The following BCO1 variants were observed in gnomAD, a reference collection of about 807,000 sequenced individuals.
BCO1 encodes beta,beta-carotene 15,15'-dioxygenase.
Under a neutral mutation model 56.3 loss-of-function variants are expected in BCO1, and 54 were observed. The observed-to-expected ratio is 0.96, with a 90% confidence interval of 0.77 to 1.20. BCO1 has a LOEUF of 1.20. BCO1 is among the 50% of genes most tolerant of loss of function. The pLI is 0.00. For missense variants in BCO1, 801 were observed against 690.9 expected (o/e 1.16, Z -1.79); for synonymous variants, 318 against 266.1 (o/e 1.20, Z -1.90).
At chr16:81,286,510 CATTT>C (rs1250378658) in intron 9 of BCO1, among the ~76,000 whole-genome samples, 6 of 152,068 alleles carry the variant, frequency 3.9e-5, no homozygotes, top group Non-Finnish European at 7.4e-5. Context: ...TGAATATATT[CATTT>C]ATTTAACTCA....
chr16:81,268,954 T>C (rs868648669), intron 6 of BCO1, among the ~76,000 whole-genome samples: 3 of 151,762 alleles, frequency 2.0e-5, no homozygotes, highest in African/African-American at 4.8e-5. Flanking sequence ...TTTGTAGAGA[T>C]TGGGGTCTTG....
chr16:81,267,949 GT>G lies in BCO1; in HGVS notation c.662del (p.Val221GlyfsTer48), dbSNP rs1165349702. The stretch of plus-strand genomic sequence containing the variant: ...GAAGAGCCCCTGGAAGCACACAGAG[GT>G]GTTCTGCTCCATCCCATCCCGCTCC... The part of the protein sequence containing the change: ...QGKSPWKHTE[V>X]FCSIPSRSLL... On this transcript the variant is annotated frameshift_variant, in exon 6 of 11. Transcript: ENST00000258168. LOFTEE classifies it high-confidence loss of function. 2 of 1,613,826 alleles carry G rather than the reference GT, an allele frequency of 1.2e-6. No individual in the cohort carries two copies. Among genetic ancestry groups the G allele is most frequent in the Non-Finnish European group, 1.7e-6 (2 of 1,180,012 alleles).
chr16:81,264,690 T>C lies in BCO1; in HGVS notation c.522T>C (p.His174=), dbSNP rs1301603139. ...TAAATCTGGCAACGTCACATCCCCA[T>C]TATGATGAGGCTGGAAATGTTCTAA... ...VAVNLATSHP[H]YDEAGNVLNM... The change falls in exon 5 of 11, where the codon CAT becomes CAC. Residue 174 remains histidine (H), a synonymous_variant. Coordinates refer to ENST00000258168, the MANE Select transcript of BCO1 (RefSeq NM_017429.3). The C allele has an allele frequency of 6.2e-7, 1 of 1,614,044 alleles. No homozygotes were observed. Among genetic ancestry groups the C allele is most frequent in the African/African-American group, 1.3e-5 (1 of 74,938 alleles).
intron 6 of BCO1, among the ~76,000 whole-genome samples, chr16:81,269,815 C>G (rs1907071697): frequency 6.6e-6 from 1 of 152,204 alleles, no homozygotes; most frequent in African/African-American, 2.4e-5. Flanking sequence ...TTCTCCCCAA[C>G]TTGGTCATTG....
rs745955105 is a variant in BCO1 at position 81,270,248 on chromosome 16, C to T, written c.933C>T (p.Asn311=). 41 of 1,614,050 alleles carry T rather than the reference C, an allele frequency of 2.5e-5. No individual in the cohort carries two copies. Among genetic ancestry groups the T allele is most frequent in the Middle Eastern group, 1.6e-4 (1 of 6,084 alleles). ...TDAMVVFHHV[N]AYEEDGCIVF... is the part of the protein sequence containing the mutation. Reference sequence around the variant, plus strand: ...CCATGGTGGTCTTCCATCACGTCAACGCCTACGAAGAGGACGGCTGCATCG... The same window carrying T: ...CCATGGTGGTCTTCCATCACGTCAATGCCTACGAAGAGGACGGCTGCATCG... The change falls in exon 7 of 11, where the codon AAC becomes AAT. Residue 311 remains asparagine (N), a synonymous_variant. Coordinates refer to ENST00000258168, the MANE Select transcript of BCO1 (RefSeq NM_017429.3).
rs928179301 is a variant in BCO1, at chr16:81,238,948, G to C, written c.40G>C (p.Glu14Gln). Residue 14 changes from glutamate (E) to glutamine (Q), a missense_variant, in exon 1 of 11, where the codon GAG becomes CAG. Coordinates refer to ENST00000258168, the MANE Select transcript of BCO1 (RefSeq NM_017429.3). ...IFGRNRKEQL[E>Q]PVRAKVTGKI... ...TGGCAGGAATAGGAAAGAACAGCTG[G>C]AGCCTGTGAGGGCCAAAGTGACAGG... 1 of 1,614,040 alleles carries C rather than the reference G, an allele frequency of 6.2e-7. No homozygotes were observed.
At position 81,280,865 on chromosome 16, in the gene BCO1, A is replaced by G; in HGVS notation, c.1110A>G (p.Glu370=). ...AAACTGAATTTTTTCAGAATGCAGA[A>G]GTGGGCACAAATTTAATCAAAGTGG... ...AVPLHVDKNA[E]VGTNLIKVAS... The change falls in exon 8 of 11, where the codon GAA becomes GAG. Residue 370 remains glutamate (E), a synonymous_variant. Transcript: ENST00000258168. 1.9e-6 allele frequency: 3 copies of G among 1,613,326 alleles called. No individual in the cohort carries two copies. Among genetic ancestry groups the G allele is most frequent in the Non-Finnish European group, 2.5e-6 (3 of 1,179,210 alleles).
intron 7 of BCO1, among the ~76,000 whole-genome samples, chr16:81,279,387 G>A (rs1054503732): frequency 3.9e-5 from 6 of 152,142 alleles, no homozygotes; most frequent in South Asian, 2.1e-4. Flanking sequence ...ATATCTTCCA[G>A]AGCCTAACCC....
At chr16:81,253,358 C>G (rs1252173268) in intron 2 of BCO1, among the ~76,000 whole-genome samples, 1 of 152,178 alleles carries the variant, frequency 6.6e-6, no homozygotes, top group Non-Finnish European at 1.5e-5. Context: ...TGTCACGTGA[C>G]TCTGCAAGGA....
Position 81,290,401 on chromosome 16 carries a change from C to T in BCO1, c.1468C>T (p.Leu490Phe), listed in dbSNP as rs1398682170. The T allele has an allele frequency of 3.1e-6, 5 of 1,614,206 alleles. No homozygotes were observed. Among genetic ancestry groups the T allele is most frequent in the Middle Eastern group, 1.6e-4 (1 of 6,062 alleles). ...STDPQKLPFLLILDAKSFTEL... is the reference protein window; with the variant it reads ...STDPQKLPFLFILDAKSFTEL... ...TGATCCCCAAAAGCTGCCTTTTCTG[C>T]TCATTCTGGATGCCAAAAGCTTTAC... is the stretch of plus-strand genomic sequence containing the variant. Residue 490 changes from leucine to phenylalanine, a missense_variant, in exon 11 of 11, where the codon CTC becomes TTC. By Grantham distance (22) the Leu-to-Phe change is conservative. Transcript: ENST00000258168.
Position 81,262,266 on chromosome 16 carries a change from C to T in BCO1, c.454C>T (p.Leu152=). The stretch of plus-strand genomic sequence containing the variant: ...CATCAGGAAAATCAACCCACAGACT[C>T]TGGAAACCCTGGAGAAGGTATCAAC... The part of the protein sequence containing the change: ...NYIRKINPQT[L]ETLEKVDYRK... Residue 152 remains leucine, a synonymous_variant, in exon 4 of 11, where the codon CTG becomes TTG. Transcript: ENST00000258168. The T allele has an allele frequency of 6.2e-7, 1 of 1,613,674 alleles. No individual in the cohort carries two copies. The highest frequency in any genetic ancestry group is 1.7e-4 in the Middle Eastern group (1 of 6,060).
rs1908133304 is a variant in BCO1, at chr16:81,285,589, A to G, written c.1257A>G (p.Arg419=). 3.7e-6 allele frequency: 6 copies of G among 1,613,726 alleles called. No individual in the cohort carries two copies. Among genetic ancestry groups the G allele is most frequent in the East Asian group, 2.2e-5 (1 of 44,892 alleles). ...VNYAHNGKQY[R]YVFATGVQWS... is the part of the protein sequence containing the mutation. ...ATGCTCACAATGGAAAGCAATACCG[A>G]TATGTCTTTGCTACAGGAGTTCAGT... The change falls in exon 9 of 11, where the codon CGA becomes CGG. Residue 419 remains arginine, a synonymous_variant. Transcript: ENST00000258168.
At chr16:81,272,237 C>G (rs1907272879) in intron 7 of BCO1, among the ~76,000 whole-genome samples, 1 of 151,844 alleles carries the variant, frequency 6.6e-6, no homozygotes, top group Non-Finnish European at 1.5e-5. Flanking sequence ...CCTCAGCCTC[C>G]CAAGTAGCTG....
At chr16:81,276,506 G>A (rs888702681) in intron 7 of BCO1, among the ~76,000 whole-genome samples, 2 of 152,204 alleles carry the variant, frequency 1.3e-5, no homozygotes, top group African/African-American at 4.8e-5. Context: ...GGTTGTGCTG[G>A]CTAGGGCATC....
rs772983780 is a variant in BCO1, at chr16:81,282,673, C to CT, written c.1207+1723dup. On this transcript the variant is annotated intron_variant, in intron 8 of 10. Coordinates refer to ENST00000258168, the MANE Select transcript of BCO1 (RefSeq NM_017429.3). ...CCATCCCTGCTCACCCACCACATCC[C>CT]TTTTTTTTTTTTCCTGAGAAGACCA... 7.6e-3 allele frequency among the ~76,000 whole-genome samples: 1,117 copies of CT among 146,076 alleles called. 4 individuals carry two copies. Among genetic ancestry groups the CT allele is most frequent in the African/African-American group, 0.015 (584 of 40,044 alleles).
At chr16:81,249,696 C>T (rs1480864203) in intron 2 of BCO1, among the ~76,000 whole-genome samples, 2 of 152,178 alleles carry the variant, frequency 1.3e-5, no homozygotes, top group Admixed American at 6.5e-5. Flanking sequence ...CCACCGCGCC[C>T]GGCCGAGTCA....
chr16:81,242,434 C>A (rs1019150618), intron 1 of BCO1, among the ~76,000 whole-genome samples: 7 of 152,006 alleles, frequency 4.6e-5, no homozygotes, highest in Non-Finnish European at 8.8e-5. Context: ...CTTCTGACCT[C>A]GAGTGATCCA....
chr16:81,256,172 A>G (rs1906124753), intron 2 of BCO1, among the ~76,000 whole-genome samples: 1 of 150,684 alleles, frequency 6.6e-6, no homozygotes, highest in South Asian at 2.1e-4. Context: ...ACTTGCTTCC[A>G]GTGTTGTGAG....
At chr16:81,275,853 G>A (rs1207861711) in intron 7 of BCO1, among the ~76,000 whole-genome samples, 2 of 152,228 alleles carry the variant, frequency 1.3e-5, no homozygotes, top group Non-Finnish European at 2.9e-5. Context: ...AGGGCCTCTG[G>A]GCACCGTGGG....
Sources: allele counts gnomAD v4.1 joint callset (sites outside exome capture counted in the v4.1 genomes callset), GRCh38; gene constraint gnomAD v4.1.1; transcripts MANE v1.5; gene names NCBI Gene and HGNC (gene_info 2026-07-23, HGNC 2026-07-21).